Variants in SPATA6 observed in about 807,000 individuals in gnomAD.
SPATA6 encodes spermatogenesis associated 6, also known as spermatogenesis-associated protein 6.
Under a neutral mutation model 65.3 loss-of-function variants are expected in SPATA6, and 56 were observed. The observed-to-expected ratio is 0.86, with a 90% CI of 0.69 to 1.07. The LOEUF (loss-of-function observed/expected upper bound fraction) is 1.07. Ranked by LOEUF, SPATA6 falls within the 50% of genes least tolerant of loss-of-function variation. The pLI, the probability that SPATA6 is intolerant of heterozygous loss-of-function variation, is 0.00. For missense variants in SPATA6, 590 were observed against 594.8 expected (o/e 0.99, Z 0.08); for synonymous variants, 199 against 213.2 (o/e 0.93, Z 0.58).
At chr1:48,454,197 T>A (rs1028874268) in intron 1 of SPATA6, among the ~76,000 whole-genome samples, 1 of 152,016 alleles carries the variant, frequency 6.6e-6, no homozygotes, top group Admixed American at 6.6e-5. Flanking sequence ...CTATTGCCAG[T>A]GATCAACTAC....
At chr1:48,349,596 T>A (rs1437954078) in intron 11 of SPATA6, among the ~76,000 whole-genome samples, 9 of 151,924 alleles carry the variant, frequency 5.9e-5, no homozygotes, top group Non-Finnish European at 1.2e-4. Flanking sequence ...ATCACTCCCA[T>A]ACCAATCATA....
intron 8 of SPATA6, among the ~76,000 whole-genome samples, chr1:48,393,959 A>G (rs1650320280): frequency 6.6e-6 from 1 of 152,118 alleles, no homozygotes; most frequent in South Asian, 2.1e-4. Context: ...ATTAGGGGCT[A>G]GGGCTTCAAC....
At chr1:48,380,112 C>A (rs1234747546) in intron 9 of SPATA6, among the ~76,000 whole-genome samples, 1 of 152,218 alleles carries the variant, frequency 6.6e-6, no homozygotes, top group Non-Finnish European at 1.5e-5. Context: ...AAAGAATTCT[C>A]TTGCCTATGC....
In SPATA6 at chr1:48,429,376, A is replaced by G. The variant is rs376933507; in HGVS notation, c.239-16225T>C. On this transcript the variant is annotated intron_variant, in intron 3 of 12. Transcript: ENST00000371847. ...AGAGAAAATTATAAAGTGACCATAC[A>G]TGCTCAGGGGAAGGCTCCGAAAATA... Among the ~76,000 whole-genome samples the G allele has an allele frequency of 8.1e-4, 124 of 152,288 alleles. No homozygotes were observed. The South Asian group carries it at 0.014, about 18-fold the overall frequency.
chr1:48,297,610 G>C lies in SPATA6; in HGVS notation c.*1103C>G, dbSNP rs1644837879. The C allele has an allele frequency of 6.6e-6, 1 of 152,056 alleles. No individual in the cohort carries two copies. The highest frequency in any genetic ancestry group is 2.4e-5 in the African/African-American group (1 of 41,430). The allele number at this position is 152,056 out of a possible 1,614,324, so 9.4% of individuals were successfully genotyped here. A position where few individuals can be genotyped will look rare whatever the true frequency, so the allele number is the denominator to read the frequency against. On this transcript the variant is annotated 3_prime_UTR_variant, in exon 13 of 13. Transcript: ENST00000371847. ...TATTATCTTTTAGGCAACTCTTCAA[G>C]ACTATAAGCCCAGTTCACTTATTCC...
chr1:48,294,043 G>C (rs1644785092), downstream of SPATA6, among the ~76,000 whole-genome samples: 1 of 152,018 alleles, frequency 6.6e-6, no homozygotes, highest in South Asian at 2.1e-4. Flanking sequence ...TTACCTCTTC[G>C]TTTCGTACAT....
At chr1:48,328,627 C>T (rs1247503862) in intron 11 of SPATA6, among the ~76,000 whole-genome samples, 2 of 152,036 alleles carry the variant, frequency 1.3e-5, no homozygotes, top group South Asian at 2.1e-4. Context: ...TGGTACTTCA[C>T]TCCCAATGGT....
intron 3 of SPATA6, among the ~76,000 whole-genome samples, chr1:48,446,363 C>G (rs1479960567): frequency 1.3e-5 from 2 of 152,174 alleles, no homozygotes; most frequent in Non-Finnish European, 2.9e-5. Flanking sequence ...TCATCAGAAG[C>G]TTCACTATAG....
chr1:48,287,280 A>C, the SPATA6 span, among the ~76,000 whole-genome samples: 1 of 152,162 alleles, frequency 6.6e-6, no homozygotes, highest in Non-Finnish European at 1.5e-5. Context: ...GCCATGAGGG[A>C]TGGTGCCAAA....
At chr1:48,363,692 C>G (rs1646893158) in intron 9 of SPATA6, among the ~76,000 whole-genome samples, 1 of 151,394 alleles carries the variant, frequency 6.6e-6, no homozygotes, top group South Asian at 2.1e-4. Context: ...TAAAATGAAT[C>G]AAGATGAAAA....
chr1:48,300,001 G>A (rs1291925613), intron 12 of SPATA6, among the ~76,000 whole-genome samples: 2 of 151,978 alleles, frequency 1.3e-5, no homozygotes, highest in Non-Finnish European at 2.9e-5. Context: ...AGGGTCTTAA[G>A]GAAAAAAGAA....
intron 10 of SPATA6, among the ~76,000 whole-genome samples, chr1:48,358,883 GTTTGTTTTA>G (rs1237299859): frequency 7.9e-5 from 12 of 152,092 alleles, no homozygotes; most frequent in Non-Finnish European, 4.4e-5. Context: ...TTTAAAATAG[GTTTGTTTTA>G]ATATAGCATC....
At chr1:48,443,806 G>C (rs1284440731) in intron 3 of SPATA6, among the ~76,000 whole-genome samples, 1 of 152,084 alleles carries the variant, frequency 6.6e-6, no homozygotes, top group Non-Finnish European at 1.5e-5. Context: ...GCTATTACTC[G>C]CCTTCAGGCC....
intron 11 of SPATA6, among the ~76,000 whole-genome samples, chr1:48,320,178 A>G (rs1282243739): frequency 6.6e-6 from 1 of 152,224 alleles, no homozygotes; most frequent in Non-Finnish European, 1.5e-5. Context: ...AGAAAAAGAG[A>G]TAGGGTAGAA....
At chr1:48,308,761 C>T (rs1461385869) in intron 11 of SPATA6, among the ~76,000 whole-genome samples, 1 of 152,164 alleles carries the variant, frequency 6.6e-6, no homozygotes, top group African/African-American at 2.4e-5. Context: ...TATCATTACA[C>T]TGCCTTTTGG....
At chr1:48,338,401 A>G (rs112877724) in intron 11 of SPATA6, among the ~76,000 whole-genome samples, 1 of 152,022 alleles carries the variant, frequency 6.6e-6, no homozygotes, top group African/African-American at 2.4e-5. Flanking sequence ...AGAGGGTATA[A>G]AGCTACACCA....
chr1:48,351,843 T>A (rs1570253948), intron 11 of SPATA6, among the ~76,000 whole-genome samples: 1 of 152,086 alleles, frequency 6.6e-6, no homozygotes, highest in East Asian at 1.9e-4. Flanking sequence ...TGTGCAAGAC[T>A]GGTATTGTGT....
At chr1:48,433,439 TG>T (rs1654591882) in intron 3 of SPATA6, among the ~76,000 whole-genome samples, 1 of 152,196 alleles carries the variant, frequency 6.6e-6, no homozygotes, top group Admixed American at 6.5e-5. Flanking sequence ...AATCTTATTT[TG>T]TAACTGTCTA....
intron 8 of SPATA6, among the ~76,000 whole-genome samples, chr1:48,394,633 C>T (rs1167531318): frequency 1.3e-5 from 2 of 151,990 alleles, no homozygotes; most frequent in Admixed American, 6.6e-5. Context: ...ATGAAGCTCA[C>T]TCAATGTAAT....
Sources: allele counts gnomAD v4.1 joint callset (sites outside exome capture counted in the v4.1 genomes callset), GRCh38; gene constraint gnomAD v4.1.1; transcripts MANE v1.5; gene names NCBI Gene and HGNC (gene_info 2026-07-23, HGNC 2026-07-21).